GRIK1: variants seen among roughly 807,000 people sequenced by gnomAD.
GRIK1 encodes the protein glutamate ionotropic receptor kainate type subunit 1.
A neutral mutation model predicts 105.7 loss-of-function variants in GRIK1; 69 were observed. The observed-to-expected ratio is 0.65, with a 90% CI of 0.54 to 0.80. The LOEUF (loss-of-function observed/expected upper bound fraction) is 0.80, where lower values mean the gene tolerates loss of function less well. Among genes scored for constraint, GRIK1 ranks in the 30% least tolerant of loss-of-function variants. The pLI, the probability that GRIK1 is intolerant of heterozygous loss-of-function variation, is 0.00. For synonymous variants in GRIK1, 438 were observed against 431.3 expected (o/e 1.02, Z -0.19); for missense variants, 1,109 against 1,167.3 (o/e 0.95, Z 0.73).
intron 1 of GRIK1, among the ~76,000 whole-genome samples, chr21:29,831,231 T>C (rs753552497): frequency 1.3e-5 from 2 of 152,170 alleles, no homozygotes; most frequent in Non-Finnish European, 2.9e-5. Context: ...AGCAGCCCAC[T>C]TGGTACTGTC....
At chr21:29,696,323 G>A (rs973587037) in intron 1 of GRIK1, among the ~76,000 whole-genome samples, 3 of 152,236 alleles carry the variant, frequency 2.0e-5, no homozygotes, top group African/African-American at 7.2e-5. Flanking sequence ...TTACATGACA[G>A]AGTTATTTGG....
chr21:29,796,879 G>T (rs1412691870), intron 1 of GRIK1, among the ~76,000 whole-genome samples: 1 of 151,972 alleles, frequency 6.6e-6, no homozygotes, highest in Non-Finnish European at 1.5e-5. Context: ...AACTGGGGAG[G>T]AAGAGGTTTC....
chr21:29,930,334 A>G (rs2071523876), intron 1 of GRIK1, among the ~76,000 whole-genome samples: 2 of 152,198 alleles, frequency 1.3e-5, no homozygotes, highest in South Asian at 4.1e-4. Context: ...ACGGATTACT[A>G]AAGTATGTAA....
At position 29,560,383 on chromosome 21, in the gene GRIK1, TCC is replaced by T. The variant is rs1491328139; in HGVS notation, c.2356+1239_2356+1240del. On this transcript the variant is annotated intron_variant, in intron 15 of 17. Coordinates refer to ENST00000327783, the MANE Select transcript of GRIK1 (RefSeq NM_001330994.2). ...TTTCTTTCTTCCTTCCTTCCTTCCT[TCC>T]TTCCTTCCTTCCTTCCTTTCTTTCT... 4.7e-4 allele frequency among the ~76,000 whole-genome samples: 36 copies of T among 76,518 alleles called. 2 individuals carry two copies. The highest frequency in any genetic ancestry group is 2.3e-3 in the Admixed American group (16 of 7,044). The allele number at this position is 76,518 out of a possible 152,430, so 50.2% of individuals were successfully genotyped here. A position where few individuals can be genotyped will look rare whatever the true frequency, so the allele number is the denominator to read the frequency against.
chr21:29,874,103 C>G (rs773311194), intron 1 of GRIK1, among the ~76,000 whole-genome samples: 2 of 152,216 alleles, frequency 1.3e-5, no homozygotes, highest in East Asian at 3.9e-4. Flanking sequence ...GATGAAGATT[C>G]GCTCACTCGC....
At chr21:29,690,729 A>G (rs958058067) in intron 2 of GRIK1, among the ~76,000 whole-genome samples, 1 of 151,862 alleles carries the variant, frequency 6.6e-6, no homozygotes, top group African/African-American at 2.4e-5. Flanking sequence ...TGAAAAATTT[A>G]GTTGTAACAT....
At chr21:29,824,744 G>T (rs1005999850) in intron 1 of GRIK1, among the ~76,000 whole-genome samples, 1 of 152,002 alleles carries the variant, frequency 6.6e-6, no homozygotes, top group Non-Finnish European at 1.5e-5. Flanking sequence ...GGACTGCTAG[G>T]TCATGGTAAG....
chr21:29,743,522 T>G (rs143342325), intron 1 of GRIK1, among the ~76,000 whole-genome samples: 1 of 151,826 alleles, frequency 6.6e-6, no homozygotes, highest in Non-Finnish European at 1.5e-5. Flanking sequence ...ATAGTGAAAC[T>G]CCGTCTGTAC....
chr21:29,754,416 G>C (rs1360684656), intron 1 of GRIK1, among the ~76,000 whole-genome samples: 1 of 152,162 alleles, frequency 6.6e-6, no homozygotes, highest in Non-Finnish European at 1.5e-5. Context: ...ATGTAAAACA[G>C]GTTTTAGAGC....
chr21:29,601,184 CA>C, intron 7 of GRIK1: 1 of 499,308 alleles, frequency 2.0e-6, no homozygotes, highest in South Asian at 1.4e-5. Context: ...CTGAAAAGAA[CA>C]AAAAGGCAGA....
At chr21:29,874,721 G>A (rs1268814704) in intron 1 of GRIK1, among the ~76,000 whole-genome samples, 1 of 152,182 alleles carries the variant, frequency 6.6e-6, no homozygotes, top group Non-Finnish European at 1.5e-5. Flanking sequence ...AATTCTGTAT[G>A]TGGAGAGAAG....
intron 7 of GRIK1, among the ~76,000 whole-genome samples, chr21:29,602,215 T>C (rs138412026): frequency 7.7e-4 from 118 of 152,278 alleles, no homozygotes; most frequent in African/African-American, 2.8e-3. Flanking sequence ...ATAGAGGGGT[T>C]TAATGAAAGT....
intron 1 of GRIK1, among the ~76,000 whole-genome samples, chr21:29,848,373 C>T (rs2068192854): frequency 6.6e-6 from 1 of 152,112 alleles, no homozygotes; most frequent in Non-Finnish European, 1.5e-5. Flanking sequence ...CCAAGTTCTC[C>T]ATTATGTTTT....
At chr21:29,846,257 G>A (rs1362147209) in intron 1 of GRIK1, among the ~76,000 whole-genome samples, 5 of 149,638 alleles carry the variant, frequency 3.3e-5, no homozygotes, top group Non-Finnish European at 5.9e-5. Context: ...GGCGCGTGGC[G>A]CATGCCTGTA....
At chr21:29,695,949 G>T (rs552595917) in intron 1 of GRIK1, among the ~76,000 whole-genome samples, 4 of 152,170 alleles carry the variant, frequency 2.6e-5, no homozygotes, top group Non-Finnish European at 5.9e-5. Context: ...TCACAAATAC[G>T]CATCATGCGC....
intron 1 of GRIK1, among the ~76,000 whole-genome samples, chr21:29,758,584 A>G (rs2065415237): frequency 6.6e-6 from 1 of 152,220 alleles, no homozygotes; most frequent in Non-Finnish European, 1.5e-5. Flanking sequence ...CAGCCAAACC[A>G]TATCACAGGG....
At chr21:29,671,443 A>G (rs1302066752) in intron 4 of GRIK1, among the ~76,000 whole-genome samples, 1 of 151,548 alleles carries the variant, frequency 6.6e-6, no homozygotes, top group Admixed American at 6.6e-5. Flanking sequence ...CCAGCACATA[A>G]TAGAAACATT....
At chr21:29,887,863 C>T (rs777580842) in intron 1 of GRIK1, among the ~76,000 whole-genome samples, 9 of 152,136 alleles carry the variant, frequency 5.9e-5, no homozygotes, top group African/African-American at 1.9e-4. Context: ...TATGGCCAAT[C>T]CAAGGGAGAC....
At chr21:29,804,801 T>C (rs930075808) in intron 1 of GRIK1, among the ~76,000 whole-genome samples, 6 of 152,206 alleles carry the variant, frequency 3.9e-5, no homozygotes, top group African/African-American at 1.4e-4. Context: ...AAGTTAGTTA[T>C]ACATAAGTGT....
Sources: allele counts gnomAD v4.1 joint callset (sites outside exome capture counted in the v4.1 genomes callset), GRCh38; gene constraint gnomAD v4.1.1; transcripts MANE v1.5; gene names NCBI Gene and HGNC (gene_info 2026-07-23, HGNC 2026-07-21).